The following KIAA2012 variants were observed in gnomAD, a reference collection of about 807,000 sequenced individuals.
KIAA2012 encodes KIAA2012.
In KIAA2012, 125 loss-of-function variants were observed where a neutral mutation model predicts 150.6. The ratio of observed to expected loss-of-function variants is 0.83; its 90% confidence interval spans 0.72 to 0.96. KIAA2012 has a LOEUF of 0.96. KIAA2012 is among the 40% of genes least tolerant of loss of function. KIAA2012 has a pLI of 0.00. For synonymous variants in KIAA2012, 462 were observed against 504.7 expected, an observed-to-expected ratio of 0.92 and a Z score of 1.13; for missense variants, 1,219 against 1,354.9, an observed-to-expected ratio of 0.90 and a Z score of 1.57.
At chr2:202,075,239 A>C in intron 2 of KIAA2012, 64 bp downstream of exon 2, 1 of 1,460,030 alleles carries the variant, frequency 6.8e-7, no homozygotes, top group Non-Finnish European at 9.0e-7. Flanking sequence ...ACCCAGTTGC[A>C]GCTTTGGGAA....
intron 22 of KIAA2012, among the ~76,000 whole-genome samples, chr2:202,200,746 G>A (rs1183528624): frequency 9.9e-6 from 1 of 101,088 alleles, no homozygotes; most frequent in East Asian, 2.7e-4. Flanking sequence ...CGCTCTTGTT[G>A]CCCAGGCTGG....
intron 12 of KIAA2012, among the ~76,000 whole-genome samples, chr2:202,132,679 C>T (rs1316508042): frequency 2.6e-5 from 2 of 76,286 alleles, no homozygotes; most frequent in Non-Finnish European, 5.1e-5. Flanking sequence ...TCACAAAATA[C>T]ATATATATAT....
chr2:202,140,316 G>A (rs936018917), intron 13 of KIAA2012, among the ~76,000 whole-genome samples: 1 of 152,188 alleles, frequency 6.6e-6, no homozygotes, highest in African/African-American at 2.4e-5. Flanking sequence ...ACACCAGAGC[G>A]AGGGGTCTTA....
At chr2:202,153,993 T>C (rs947900311) in intron 13 of KIAA2012, among the ~76,000 whole-genome samples, 6 of 152,200 alleles carry the variant, frequency 3.9e-5, no homozygotes, top group Admixed American at 2.0e-4. Context: ...ATGTGGGGCA[T>C]GGGCTGGAGG....
intron 23 of KIAA2012, among the ~76,000 whole-genome samples, chr2:202,202,909 A>G (rs1692557054): frequency 6.6e-6 from 1 of 151,550 alleles, no homozygotes; most frequent in Non-Finnish European, 1.5e-5. Flanking sequence ...CCTGGGTGAC[A>G]GAGTGGGACC....
intron 11 of KIAA2012, among the ~76,000 whole-genome samples, chr2:202,118,011 T>C (rs1257167568): frequency 6.6e-6 from 1 of 152,112 alleles, no homozygotes; most frequent in Non-Finnish European, 1.5e-5. Context: ...AATATGCCCC[T>C]TTCCCCAAGG....
At chr2:202,193,214 A>T in intron 19 of KIAA2012, 87 bp from the exon 20 acceptor site, 1 of 1,285,928 alleles carries the variant, frequency 7.8e-7, no homozygotes, top group Non-Finnish European at 1.1e-6. Context: ...ATCTTTGATT[A>T]GAGACAACAC....
chr2:202,115,873 C>G (rs1366557678), intron 11 of KIAA2012: 1 of 150,376 alleles, frequency 6.6e-6, no homozygotes, highest in Non-Finnish European at 1.5e-5. Flanking sequence ...ATGGTATCTT[C>G]TTTCAGACAG....
chr2:202,121,953 G>A (rs1165564984), intron 11 of KIAA2012, among the ~76,000 whole-genome samples: 1 of 152,218 alleles, frequency 6.6e-6, no homozygotes, highest in Admixed American at 6.5e-5. Flanking sequence ...ACTGACCTTT[G>A]AGAAACGAGA....
intron 10 of KIAA2012, among the ~76,000 whole-genome samples, chr2:202,112,134 G>A (rs774038583): frequency 5.7e-4 from 86 of 152,148 alleles, no homozygotes; most frequent in Admixed American, 4.3e-3. Context: ...GTGATGTAGG[G>A]TAAGGCCCCT....
intron 13 of KIAA2012, among the ~76,000 whole-genome samples, chr2:202,149,407 CG>C (rs1691376151): frequency 6.6e-6 from 1 of 152,192 alleles, no homozygotes; most frequent in African/African-American, 2.4e-5. Flanking sequence ...AAGATAATGG[CG>C]GGGTGTGTGC....
chr2:202,075,962 C>G (rs1689314868), intron 2 of KIAA2012, among the ~76,000 whole-genome samples: 1 of 152,258 alleles, frequency 6.6e-6, no homozygotes, highest in Non-Finnish European at 1.5e-5. Context: ...CCACCTGTTC[C>G]TGTACCACTT....
In KIAA2012 at chr2:202,118,206, C is replaced by T. The variant is rs570273988; in HGVS notation, c.1762+4760C>T. Among the ~76,000 whole-genome samples, 5 of 152,262 alleles carry T rather than the reference C, an allele frequency of 3.3e-5. No homozygotes were observed. In the South Asian group the frequency reaches 1.0e-3, roughly 32 times the overall value. ...AGGAGCCCCACGTGGTTATAGTGTA[C>T]ACTGCCCCTTGTGCCTTTTCAGTGT... is the stretch of plus-strand genomic sequence containing the variant. On this transcript the variant is annotated intron_variant, in intron 11 of 23. Transcript: ENST00000498697.
chr2:202,076,023 C>T (rs1360765693), intron 2 of KIAA2012, among the ~76,000 whole-genome samples: 2 of 152,216 alleles, frequency 1.3e-5, no homozygotes, highest in Admixed American at 6.5e-5. Context: ...CATCATTCCC[C>T]AACACCTGTG....
chr2:202,128,212 C>T (rs1271316695), intron 12 of KIAA2012, among the ~76,000 whole-genome samples: 2 of 152,208 alleles, frequency 1.3e-5, no homozygotes, highest in Admixed American at 1.3e-4. Context: ...CAGCAGCTCA[C>T]TCACTGCATT....
intron 2 of KIAA2012, among the ~76,000 whole-genome samples, chr2:202,082,344 G>A (rs182089177): frequency 5.3e-5 from 8 of 152,218 alleles, no homozygotes; most frequent in Admixed American, 2.0e-4. Flanking sequence ...GACAGACTGA[G>A]ACCCTGTCTC....
At chr2:202,151,706 T>C (rs908853303) in intron 13 of KIAA2012, among the ~76,000 whole-genome samples, 1 of 152,210 alleles carries the variant, frequency 6.6e-6, no homozygotes. Context: ...AATGGATAAA[T>C]GAAAAACCAA....
chr2:202,104,228 G>A lies in KIAA2012; in HGVS notation c.1324+1114G>A, dbSNP rs1690124567. Among the ~76,000 whole-genome samples the A allele has an allele frequency of 6.6e-6, 1 of 152,074 alleles. No homozygotes were observed. Among genetic ancestry groups the A allele is most frequent in the Admixed American group, 6.6e-5 (1 of 15,258 alleles). ...ATTGAACTGTGCACTTAAGATCTGT[G>A]CGATTCACTCTATGTAGATTTTACC... On this transcript the variant is annotated intron_variant, in intron 8 of 23. Coordinates refer to ENST00000498697, the MANE Select transcript of KIAA2012 (RefSeq NM_001277372.4). The surrounding 1 kb of genome is among the most constrained non-coding windows in gnomAD (Gnocchi z 4.3).
intron 11 of KIAA2012, among the ~76,000 whole-genome samples, chr2:202,123,274 CCTT>C (rs1690699999): frequency 6.6e-6 from 1 of 152,294 alleles, no homozygotes; most frequent in African/African-American, 2.4e-5. Flanking sequence ...TTTTTAGCCT[CCTT>C]TTCCCTTTCA....
Sources: gnomAD v4.1 joint callset for allele counts (sites outside exome capture counted in the v4.1 genomes callset) on GRCh38, gnomAD v4.1.1 for gene constraint, Gnocchi (gnomAD v3.1) non-coding constraint, MANE v1.5 for transcripts, NCBI Gene and HGNC (gene_info 2026-07-23, HGNC 2026-07-21) for gene names.